The following NCKAP5 variants were observed in gnomAD, a reference collection of about 807,000 sequenced individuals.
NCKAP5 encodes the protein nck-associated protein 5.
Under a neutral mutation model 167.0 loss-of-function variants are expected in NCKAP5, and 92 were observed. The observed-to-expected ratio is 0.55, with a 90% CI of 0.47 to 0.66. The LOEUF is 0.66. Ranked by LOEUF, NCKAP5 falls within the 30% of genes least tolerant of loss-of-function variation. NCKAP5 has a pLI of 0.00. For missense variants in NCKAP5, 2,378 were observed against 2,315.0 expected (o/e 1.03, Z -0.56); for synonymous variants, 891 against 877.4 (o/e 1.02, Z -0.27).
At chr2:133,453,981 T>C (rs1425514305) in intron 3 of NCKAP5, among the ~76,000 whole-genome samples, 1 of 152,080 alleles carries the variant, frequency 6.6e-6, no homozygotes, top group African/African-American at 2.4e-5. Context: ...TCTAATTTAC[T>C]TTAATAATTA....
At chr2:133,292,491 G>A (rs933069644) in intron 4 of NCKAP5, among the ~76,000 whole-genome samples, 5 of 152,006 alleles carry the variant, frequency 3.3e-5, no homozygotes, top group Non-Finnish European at 5.9e-5. Flanking sequence ...TTTGCTTGAG[G>A]CCTTTTATTT....
At chr2:133,478,738 T>C (rs1680170086) in intron 3 of NCKAP5, among the ~76,000 whole-genome samples, 1 of 151,624 alleles carries the variant, frequency 6.6e-6, no homozygotes, top group African/African-American at 2.4e-5. Flanking sequence ...TTTCATCTCT[T>C]TTCTATCACC....
At chr2:133,590,394 C>T in the NCKAP5 span, among the ~76,000 whole-genome samples, 2 of 151,714 alleles carry the variant, frequency 1.3e-5, no homozygotes, top group Non-Finnish European at 2.9e-5. Flanking sequence ...GGCTTGGTGG[C>T]GGGCACCTGT....
At chr2:133,251,711 C>G (rs2088346408) in intron 4 of NCKAP5, among the ~76,000 whole-genome samples, 1 of 152,088 alleles carries the variant, frequency 6.6e-6, no homozygotes, top group Admixed American at 6.5e-5. Flanking sequence ...ATGCATCTAA[C>G]AAAATTACAC....
At chr2:133,100,917 T>C (rs1001946704) in intron 6 of NCKAP5, among the ~76,000 whole-genome samples, 21 of 152,320 alleles carry the variant, frequency 1.4e-4, no homozygotes, top group African/African-American at 4.8e-4. Context: ...TTAGATCCCA[T>C]TTGTCAATTT....
At chr2:133,449,860 T>G (rs1691435453) in intron 3 of NCKAP5, among the ~76,000 whole-genome samples, 1 of 152,098 alleles carries the variant, frequency 6.6e-6, no homozygotes, top group Non-Finnish European at 1.5e-5. Flanking sequence ...TTTTAAAACT[T>G]GGATGCATAA....
At chr2:133,124,926 G>A (rs747376761) in intron 6 of NCKAP5, among the ~76,000 whole-genome samples, 9 of 152,198 alleles carry the variant, frequency 5.9e-5, no homozygotes, top group Non-Finnish European at 7.4e-5. Flanking sequence ...CGCACCTATA[G>A]TCCCAGCTAC....
intron 7 of NCKAP5, among the ~76,000 whole-genome samples, chr2:132,977,918 G>A (rs2077022296): frequency 6.6e-6 from 1 of 152,158 alleles, no homozygotes; most frequent in Admixed American, 6.5e-5. Flanking sequence ...AAAGTGGCAG[G>A]AAGCTATCAC....
chr2:133,379,099 A>T (rs914448014), intron 3 of NCKAP5, among the ~76,000 whole-genome samples: 1 of 152,240 alleles, frequency 6.6e-6, no homozygotes, highest in Admixed American at 6.5e-5. Flanking sequence ...CTCTATTTAC[A>T]TAATACACCA....
chr2:133,006,943 C>T (rs2077989841), intron 6 of NCKAP5, among the ~76,000 whole-genome samples: 1 of 152,182 alleles, frequency 6.6e-6, no homozygotes, highest in African/African-American at 2.4e-5. Flanking sequence ...AATTTGCATG[C>T]TTCTTGTGAC....
the NCKAP5 span, among the ~76,000 whole-genome samples, chr2:133,635,076 G>A: frequency 6.6e-6 from 1 of 152,058 alleles, no homozygotes; most frequent in African/African-American, 2.4e-5. Context: ...GTTTCACCAT[G>A]TTGGCTAGGC....
intron 11 of NCKAP5, among the ~76,000 whole-genome samples, chr2:132,859,015 T>C (rs986439653): frequency 6.6e-6 from 1 of 152,164 alleles, no homozygotes; most frequent in African/African-American, 2.4e-5. Context: ...ATCTTGATGA[T>C]GAGATTGCAA....
the NCKAP5 span, among the ~76,000 whole-genome samples, chr2:133,625,601 A>G: frequency 2.0e-5 from 3 of 152,120 alleles, no homozygotes; most frequent in African/African-American, 7.2e-5. Context: ...GAACAACTTG[A>G]GCAGCAATAA....
At chr2:133,635,620 A>AT in the NCKAP5 span, among the ~76,000 whole-genome samples, 1 of 152,258 alleles carries the variant, frequency 6.6e-6, no homozygotes, top group Non-Finnish European at 1.5e-5. Flanking sequence ...GTAGGAAACT[A>AT]TAAGTCCTAA....
rs564976782 is a variant in NCKAP5, at chr2:133,171,013, C to T, written c.208-40902G>A. Among the ~76,000 whole-genome samples the T allele has an allele frequency of 3.3e-5, 5 of 152,134 alleles. No individual in the cohort carries two copies. In the South Asian group the frequency reaches 6.2e-4, roughly 19 times the overall value. ...ATAGATTAATATATTACCATACTGG[C>T]GATACTGACAATTTTTGAAGAGACT... On this transcript the variant is annotated intron_variant, in intron 5 of 19. Coordinates refer to ENST00000409261, the MANE Select transcript of NCKAP5 (RefSeq NM_207363.3).
At chr2:133,266,571 AG>A in intron 4 of NCKAP5, 1 of 151,974 alleles carries the variant, frequency 6.6e-6, no homozygotes, top group African/African-American at 2.4e-5. Context: ...CTGCGTCCCC[AG>A]GGGTTGACTC....
At chr2:133,469,415 C>A (rs1259181256) in intron 3 of NCKAP5, among the ~76,000 whole-genome samples, 2 of 151,896 alleles carry the variant, frequency 1.3e-5, no homozygotes, top group East Asian at 3.9e-4. Context: ...TGAGGGTAAC[C>A]CGACCTTTCT....
At chr2:133,453,207 A>T (rs1212624012) in intron 3 of NCKAP5, among the ~76,000 whole-genome samples, 1 of 152,174 alleles carries the variant, frequency 6.6e-6, no homozygotes, top group Non-Finnish European at 1.5e-5. Flanking sequence ...AGGTCACCTC[A>T]ATCAGGAAGT....
chr2:133,217,543 C>T (rs921974147), intron 4 of NCKAP5, among the ~76,000 whole-genome samples: 4 of 151,982 alleles, frequency 2.6e-5, no homozygotes, highest in Admixed American at 2.6e-4. Flanking sequence ...CCATAAATTC[C>T]TCCTTGACCA....
Sources: allele counts gnomAD v4.1 joint callset (sites outside exome capture counted in the v4.1 genomes callset), GRCh38; gene constraint gnomAD v4.1.1; transcripts MANE v1.5; gene names NCBI Gene and HGNC (gene_info 2026-07-23, HGNC 2026-07-21).